The following ITFG1 variants were observed in gnomAD, a reference collection of about 807,000 sequenced individuals.
ITFG1 encodes the protein T-cell immunomodulatory protein.
ITFG1 carries 34 observed loss-of-function variants against 81.8 expected under a neutral mutation model. That is an observed-to-expected ratio of 0.42 (90% CI 0.32 to 0.55). The LOEUF is 0.55. ITFG1 is among the 20% of genes least tolerant of loss of function. The pLI is 0.17. For missense variants in ITFG1, 672 were observed against 755.4 expected (o/e 0.89, Z 1.29); for synonymous variants, 285 against 270.6 (o/e 1.05, Z -0.52).
intron 10 of ITFG1, among the ~76,000 whole-genome samples, chr16:47,285,000 T>C (rs1391105450): frequency 1.3e-5 from 2 of 152,184 alleles, no homozygotes; most frequent in Non-Finnish European, 2.9e-5. Flanking sequence ...ATGTCAAGTA[T>C]TATTGTTATT....
chr16:47,341,708 A>T (rs1037454572), intron 8 of ITFG1, among the ~76,000 whole-genome samples: 2 of 152,206 alleles, frequency 1.3e-5, no homozygotes, highest in Non-Finnish European at 2.9e-5. Flanking sequence ...AAAAAGAGAG[A>T]TGTACATAAC....
intron 6 of ITFG1, among the ~76,000 whole-genome samples, chr16:47,388,972 T>A (rs1465228922): frequency 6.6e-6 from 1 of 152,154 alleles, no homozygotes; most frequent in Non-Finnish European, 1.5e-5. Context: ...ATATAAGGAA[T>A]GTTGTAATGC....
intron 8 of ITFG1, among the ~76,000 whole-genome samples, chr16:47,330,714 T>C (rs945144198): frequency 1.3e-5 from 2 of 151,866 alleles, no homozygotes; most frequent in Admixed American, 1.3e-4. Context: ...CCGACAAACA[T>C]GAAAAAATGC....
At chr16:47,425,352 C>T (rs911246076) in intron 6 of ITFG1, among the ~76,000 whole-genome samples, 7 of 152,136 alleles carry the variant, frequency 4.6e-5, no homozygotes, top group Non-Finnish European at 7.4e-5. Context: ...CAGTCTGTCA[C>T]GGCTTCCCTT....
intron 14 of ITFG1, among the ~76,000 whole-genome samples, chr16:47,172,542 C>A (rs1022783280): frequency 1.3e-5 from 2 of 151,930 alleles, no homozygotes; most frequent in African/African-American, 4.8e-5. Context: ...ATTCCCCCTA[C>A]CTGCTCTCCA....
chr16:47,285,151 C>T (rs756198107), intron 10 of ITFG1, among the ~76,000 whole-genome samples: 11 of 152,256 alleles, frequency 7.2e-5, no homozygotes, highest in African/African-American at 1.7e-4. Context: ...ACTCCGTTCA[C>T]GCTAATGTTC....
intron 5 of ITFG1, among the ~76,000 whole-genome samples, chr16:47,451,136 A>C (rs1273553515): frequency 6.6e-6 from 1 of 152,188 alleles, no homozygotes; most frequent in African/African-American, 2.4e-5. Context: ...CATTTCAAAA[A>C]CATTTAATGA....
At chr16:47,182,621 T>C (rs879034599) in intron 14 of ITFG1, among the ~76,000 whole-genome samples, 1 of 152,218 alleles carries the variant, frequency 6.6e-6, no homozygotes, top group Non-Finnish European at 1.5e-5. Flanking sequence ...AACGAAAATA[T>C]AATGGAATGT....
intron 14 of ITFG1, among the ~76,000 whole-genome samples, chr16:47,183,883 C>A (rs895481357): frequency 2.0e-5 from 3 of 151,986 alleles, no homozygotes; most frequent in Admixed American, 2.0e-4. Context: ...AAGTTGAAAA[C>A]TTTGAAAAAA....
intron 5 of ITFG1, among the ~76,000 whole-genome samples, chr16:47,443,841 T>C (rs1969287978): frequency 6.6e-6 from 1 of 152,110 alleles, no homozygotes; most frequent in Admixed American, 6.6e-5. Flanking sequence ...GGCACATGTA[T>C]ACATATGTGA....
chr16:47,246,614 T>C (rs1444095266), intron 12 of ITFG1, among the ~76,000 whole-genome samples: 1 of 152,198 alleles, frequency 6.6e-6, no homozygotes, highest in African/African-American at 2.4e-5. Context: ...TCTATACGGC[T>C]ATGCAGCAGG....
At chr16:47,378,679 T>A (rs903380426) in intron 6 of ITFG1, among the ~76,000 whole-genome samples, 1 of 152,108 alleles carries the variant, frequency 6.6e-6, no homozygotes, top group Admixed American at 6.5e-5. Flanking sequence ...ATAGACTTTT[T>A]AAAAATATAT....
intron 10 of ITFG1, among the ~76,000 whole-genome samples, chr16:47,291,128 C>T (rs1282032229): frequency 6.6e-6 from 1 of 152,028 alleles, no homozygotes; most frequent in Admixed American, 6.6e-5. Flanking sequence ...TCTCTCTCTG[C>T]TGAACTACAG....
intron 8 of ITFG1, among the ~76,000 whole-genome samples, chr16:47,332,132 G>C (rs763815958): frequency 6.6e-6 from 1 of 151,754 alleles, no homozygotes; most frequent in African/African-American, 2.4e-5. Flanking sequence ...TTGCCAGAAG[G>C]GTAGAGGTGG....
chr16:47,376,046 C>A (rs2151590657), intron 6 of ITFG1, 106 bp from the exon 7 acceptor site: 1 of 585,690 alleles, frequency 1.7e-6, no homozygotes, highest in Non-Finnish European at 3.0e-6. Context: ...CACAATTCTA[C>A]TTAAACATAT....
intron 7 of ITFG1, among the ~76,000 whole-genome samples, chr16:47,369,999 C>T (rs887572053): frequency 4.6e-5 from 7 of 152,002 alleles, no homozygotes; most frequent in East Asian, 3.9e-4. Context: ...CCACCACTCC[C>T]GGCTAACTTT....
chr16:47,195,391 T>C (rs1965345893), intron 14 of ITFG1, among the ~76,000 whole-genome samples: 1 of 152,178 alleles, frequency 6.6e-6, no homozygotes, highest in Non-Finnish European at 1.5e-5. Flanking sequence ...ATAACAGTAC[T>C]CCCAATTTTC....
intron 14 of ITFG1, among the ~76,000 whole-genome samples, chr16:47,168,054 A>C (rs1248007574): frequency 1.3e-5 from 2 of 152,208 alleles, no homozygotes; most frequent in Non-Finnish European, 2.9e-5. Flanking sequence ...CCAGCAATGT[A>C]TGAGGGTTCC....
intron 6 of ITFG1, among the ~76,000 whole-genome samples, chr16:47,411,013 A>G (rs1968803802): frequency 1.3e-5 from 2 of 152,144 alleles, no homozygotes; most frequent in African/African-American, 2.4e-5. Flanking sequence ...CCCACAGCAC[A>G]ACCTCCGCTG....
Sources: allele counts gnomAD v4.1 joint callset (sites outside exome capture counted in the v4.1 genomes callset), GRCh38; gene constraint gnomAD v4.1.1; transcripts MANE v1.5; gene names NCBI Gene and HGNC (gene_info 2026-07-23, HGNC 2026-07-21).